MAP3K13: variants seen among roughly 807,000 people sequenced by gnomAD.
The protein encoded by MAP3K13 is mitogen-activated protein kinase kinase kinase 13, also known as leucine zipper-bearing kinase.
In MAP3K13, 52 loss-of-function variants were observed where a neutral mutation model predicts 104.0. That is an observed-to-expected ratio of 0.50 (90% CI 0.40 to 0.63). MAP3K13 has a LOEUF of 0.63. Ranked by LOEUF, MAP3K13 falls within the 20% of genes least tolerant of loss-of-function variation. MAP3K13 has a pLI of 0.00. For synonymous variants in MAP3K13, 394 were observed against 442.2 expected (o/e 0.89, Z 1.37); for missense variants, 914 against 1,218.5 (o/e 0.75, Z 3.72).
chr3:185,370,420 T>G (rs1232834405), intron 1 of MAP3K13, among the ~76,000 whole-genome samples: 2 of 152,090 alleles, frequency 1.3e-5, no homozygotes, highest in Non-Finnish European at 2.9e-5. Context: ...GGTCTTGAAC[T>G]CCTGACCTCA....
chr3:185,461,117 T>C (rs925626873), intron 7 of MAP3K13, among the ~76,000 whole-genome samples: 1 of 152,216 alleles, frequency 6.6e-6, no homozygotes, highest in Non-Finnish European at 1.5e-5. Flanking sequence ...ATTGAGAGAA[T>C]AGCATTAGCA....
At chr3:185,387,668 C>A (rs1711777209) in intron 1 of MAP3K13, among the ~76,000 whole-genome samples, 1 of 151,966 alleles carries the variant, frequency 6.6e-6, no homozygotes, top group Non-Finnish European at 1.5e-5. Context: ...AAGGATCATA[C>A]CTCAACATAA....
At chr3:185,302,115 A>T (rs1278951455) in intron 2 of MAP3K13, among the ~76,000 whole-genome samples, 1 of 152,214 alleles carries the variant, frequency 6.6e-6, no homozygotes, top group Admixed American at 6.5e-5. Context: ...TTTTAATAAT[A>T]AGTCTTGCCA....
chr3:185,415,573 A>ATTT (rs34633048), intron 1 of MAP3K13, among the ~76,000 whole-genome samples: 1,600 of 119,112 alleles, frequency 0.013, 43 homozygotes, highest in South Asian at 0.032. Context: ...AGAAGGGTTA[A>ATTT]TTTCTTTTTT....
chr3:185,333,496 A>T (rs1408378037), intron 2 of MAP3K13, among the ~76,000 whole-genome samples: 1 of 149,370 alleles, frequency 6.7e-6, no homozygotes, highest in Non-Finnish European at 1.5e-5. Context: ...TACAATCTAT[A>T]AAAAAAACTT....
At chr3:185,394,531 T>C in intron 1 of MAP3K13, among the ~76,000 whole-genome samples, 1 of 152,180 alleles carries the variant, frequency 6.6e-6, no homozygotes. Flanking sequence ...GATTATGGCC[T>C]AAAGAGTTCA....
At position 185,417,983 on chromosome 3, in the gene MAP3K13, T is replaced by G. The variant is rs190742785; in HGVS notation, c.-85-10514T>G. 4.3e-6 allele frequency: 7 copies of G among 1,610,422 alleles called. No homozygotes were observed. The East Asian group carries it at 1.6e-4, about 36-fold the overall frequency. ...TTGAGGGAAGCGGCTTTACGCCAAG[T>G]GCCATACAATTCATCTAACTTCCGG... On this transcript the variant is annotated intron_variant, in intron 1 of 13. Coordinates refer to ENST00000265026, the MANE Select transcript of MAP3K13 (RefSeq NM_004721.5).
intron 2 of MAP3K13, among the ~76,000 whole-genome samples, chr3:185,308,142 C>A (rs927440560): frequency 1.3e-5 from 2 of 151,826 alleles, no homozygotes; most frequent in African/African-American, 4.8e-5. Flanking sequence ...GTCTTCTGGA[C>A]TGGCTTCATA....
At chr3:185,369,183 A>G (rs1235309648) in intron 1 of MAP3K13, among the ~76,000 whole-genome samples, 1 of 152,162 alleles carries the variant, frequency 6.6e-6, no homozygotes, top group African/African-American at 2.4e-5. Flanking sequence ...ACAGTGATAA[A>G]TGTTAAGGAG....
At chr3:185,378,062 TG>T (rs1352923388) in intron 1 of MAP3K13, among the ~76,000 whole-genome samples, 5 of 152,144 alleles carry the variant, frequency 3.3e-5, no homozygotes, top group Non-Finnish European at 5.9e-5. Flanking sequence ...TTGGAGTTCT[TG>T]TGTGCTGGAG....
At chr3:185,316,843 C>T (rs192723909) in intron 2 of MAP3K13, among the ~76,000 whole-genome samples, 1 of 151,966 alleles carries the variant, frequency 6.6e-6, no homozygotes, top group Non-Finnish European at 1.5e-5. Flanking sequence ...AAATTGGAGA[C>T]GATAGGGATA....
At chr3:185,370,026 A>T (rs1436345043) in intron 1 of MAP3K13, among the ~76,000 whole-genome samples, 1 of 152,212 alleles carries the variant, frequency 6.6e-6, no homozygotes, top group Non-Finnish European at 1.5e-5. Flanking sequence ...TGGTTTTAAC[A>T]TGAGAGATGA....
intron 1 of MAP3K13, among the ~76,000 whole-genome samples, chr3:185,422,944 G>A (rs930276439): frequency 6.6e-6 from 1 of 152,140 alleles, no homozygotes; most frequent in African/African-American, 2.4e-5. Flanking sequence ...TCAGATCCAT[G>A]GGGCATTAGA....
chr3:185,455,689 T>C lies in MAP3K13; in HGVS notation c.1278+4294T>C, dbSNP rs530325950. On this transcript the variant is annotated intron_variant, in intron 7 of 13. Coordinates refer to ENST00000265026, the MANE Select transcript of MAP3K13 (RefSeq NM_004721.5). ...ATATGATATATATATGAGATATATA[T>C]ATGATATATATATGAGATATATATG... is the stretch of plus-strand genomic sequence containing the variant. 2.2e-3 allele frequency among the ~76,000 whole-genome samples: 71 copies of C among 32,434 alleles called. 7 individuals are homozygous for C. The highest frequency in any genetic ancestry group is 4.7e-3 in the Non-Finnish European group (61 of 13,078). The allele number at this position is 32,434 out of a possible 152,430, so 21.3% of individuals were successfully genotyped here. A position where few individuals can be genotyped will look rare whatever the true frequency, so the allele number is the denominator to read the frequency against.
intron 1 of MAP3K13, among the ~76,000 whole-genome samples, chr3:185,411,322 C>T (rs532983813): frequency 6.6e-6 from 1 of 152,250 alleles, no homozygotes; most frequent in South Asian, 2.1e-4. Context: ...TGTACAAAAC[C>T]TCACAGTTTA....
chr3:185,327,332 G>A (rs1008018900), intron 2 of MAP3K13, among the ~76,000 whole-genome samples: 1 of 152,132 alleles, frequency 6.6e-6, no homozygotes, highest in East Asian at 1.9e-4. Flanking sequence ...GTCCTTAAAC[G>A]TTAATCACAT....
At chr3:185,324,418 ATTATT>A (rs1487465407) in intron 2 of MAP3K13, among the ~76,000 whole-genome samples, 1 of 152,118 alleles carries the variant, frequency 6.6e-6, no homozygotes, top group Non-Finnish European at 1.5e-5. Context: ...AAGCACCTTT[ATTATT>A]TTATTTTCTC....
intron 7 of MAP3K13, among the ~76,000 whole-genome samples, chr3:185,455,766 T>G (rs1307316786): frequency 8.8e-6 from 1 of 114,108 alleles, no homozygotes; most frequent in South Asian, 2.8e-4. Context: ...ATATGAGATA[T>G]ATATATGATA....
chr3:185,367,268 A>G (rs1011134725), intron 1 of MAP3K13, among the ~76,000 whole-genome samples: 1 of 152,140 alleles, frequency 6.6e-6, no homozygotes, highest in Admixed American at 6.5e-5. Flanking sequence ...CCAGAGATTT[A>G]TATTTAATTG....
Sources: gnomAD v4.1 joint callset for allele counts (sites outside exome capture counted in the v4.1 genomes callset) on GRCh38, gnomAD v4.1.1 for gene constraint, MANE v1.5 for transcripts, NCBI Gene and HGNC (gene_info 2026-07-23, HGNC 2026-07-21) for gene names.